CADPS: variants seen among roughly 807,000 people sequenced by gnomAD.
The protein encoded by CADPS is calcium dependent secretion activator.
In CADPS, 57 loss-of-function variants were observed where a neutral mutation model predicts 167.3. The observed-to-expected ratio is 0.34, with a 90% confidence interval of 0.28 to 0.42. The LOEUF (loss-of-function observed/expected upper bound fraction) is 0.42, where lower values mean the gene tolerates loss of function less well. CADPS is among the 20% of genes least tolerant of loss of function. The pLI, the probability that CADPS is intolerant of heterozygous loss-of-function variation, is 1.00. For missense variants in CADPS, 1,414 were observed against 1,738.1 expected (o/e 0.81, Z 3.32); for synonymous variants, 676 against 635.3 (o/e 1.06, Z -0.96).
intron 3 of CADPS, among the ~76,000 whole-genome samples, chr3:62,732,641 A>C (rs1019468214): frequency 6.6e-6 from 1 of 152,260 alleles, no homozygotes; most frequent in Non-Finnish European, 1.5e-5. Flanking sequence ...CTTATTCAAC[A>C]AACCTCTTTT....
intron 3 of CADPS, among the ~76,000 whole-genome samples, chr3:62,679,839 T>G (rs1270324937): frequency 2.0e-5 from 3 of 151,728 alleles, no homozygotes; most frequent in African/African-American, 4.9e-5. Context: ...ATACAAGGAG[T>G]CATTAGATGG....
chr3:62,813,275 C>T (rs2094467100), intron 1 of CADPS, among the ~76,000 whole-genome samples: 1 of 151,992 alleles, frequency 6.6e-6, no homozygotes. Flanking sequence ...ACACATAATC[C>T]AGTAGAACAG....
At chr3:62,701,928 G>A (rs1009742814) in intron 3 of CADPS, among the ~76,000 whole-genome samples, 1 of 152,162 alleles carries the variant, frequency 6.6e-6, no homozygotes, top group Non-Finnish European at 1.5e-5. Flanking sequence ...TTCCTAAGCA[G>A]ATAGCTATAG....
chr3:62,821,358 A>G (rs1370372406), intron 1 of CADPS, among the ~76,000 whole-genome samples: 2 of 152,162 alleles, frequency 1.3e-5, no homozygotes, highest in Non-Finnish European at 2.9e-5. Context: ...TGGGTGGCTT[A>G]AAACAACAGA....
At chr3:62,789,528 A>G (rs907085906) in intron 1 of CADPS, among the ~76,000 whole-genome samples, 1 of 152,164 alleles carries the variant, frequency 6.6e-6, no homozygotes, top group Non-Finnish European at 1.5e-5. Flanking sequence ...TTGCCCCAGT[A>G]TGTTGTTCTT....
chr3:62,679,193 A>G (rs2150987778), intron 3 of CADPS, among the ~76,000 whole-genome samples: 1 of 152,172 alleles, frequency 6.6e-6, no homozygotes, highest in African/African-American at 2.4e-5. Context: ...TCTAAAACAC[A>G]AAGAATTGGA....
At position 62,765,951 on chromosome 3, in the gene CADPS, G is replaced by A. The variant is rs781371846; in HGVS notation, c.475C>T (p.Arg159Trp). The A allele has an allele frequency of 4.3e-6, 7 of 1,613,296 alleles. No individual in the cohort carries two copies. The highest frequency in any genetic ancestry group is 2.2e-5 in the East Asian group (1 of 44,870). ...SKQQLQTVKD[R>W]FQAFLNGETQ... ...TCCCCATTGAGGAAAGCCTGAAACC[G>A]GTCCTTGACTGTCTGCAGCTGCTGT... is the stretch of plus-strand genomic sequence containing the variant. The change falls in exon 2 of 30, where the codon CGG becomes TGG. Residue 159 changes from arginine (R) to tryptophan (W), a missense_variant. Physicochemically the swap from Arg to Trp is moderately radical, Grantham distance 101. Coordinates refer to ENST00000383710, the MANE Select transcript of CADPS (RefSeq NM_003716.4).
Position 62,478,542 on chromosome 3 carries a change from G to A in CADPS, c.3174-126C>T. ...TCAACATACAAAACAACGTGTGTTG[G>A]CGGTGGAGGCGGGGGCGAGTCTCCA... On this transcript the variant is annotated intron_variant, in intron 22 of 29. Transcript: ENST00000383710. This position sits in a 1 kb window ranked among gnomAD's most constrained non-coding sequence, Gnocchi z 5.7. 1 of 830,408 alleles carries A rather than the reference G, an allele frequency of 1.2e-6. No homozygotes were observed. Among genetic ancestry groups the A allele is most frequent in the Admixed American group, 2.6e-5 (1 of 38,362 alleles). 51.4% of individuals were successfully genotyped at this position (830,408 alleles called of 1,614,324 possible). A position where few individuals can be genotyped will look rare whatever the true frequency, so the allele number is the denominator to read the frequency against.
intron 3 of CADPS, among the ~76,000 whole-genome samples, chr3:62,743,130 T>G (rs1318021309): frequency 2.0e-5 from 3 of 152,054 alleles, no homozygotes; most frequent in Non-Finnish European, 4.4e-5. Flanking sequence ...ATAACAGATG[T>G]TGGAAAGGCT....
intron 2 of CADPS, among the ~76,000 whole-genome samples, chr3:62,756,703 C>G (rs1279351084): frequency 6.6e-6 from 1 of 152,128 alleles, no homozygotes; most frequent in Non-Finnish European, 1.5e-5. Flanking sequence ...AAGAAAACAC[C>G]TTTGAGATGA....
At chr3:62,587,603 C>A (rs1183992632) in intron 7 of CADPS, among the ~76,000 whole-genome samples, 2 of 152,230 alleles carry the variant, frequency 1.3e-5, no homozygotes, top group African/African-American at 2.4e-5. Flanking sequence ...TCTGCTCCTG[C>A]CTGTTTGGCA....
chr3:62,835,287 TAAAAC>T (rs1228751663), intron 1 of CADPS, among the ~76,000 whole-genome samples: 1 of 152,156 alleles, frequency 6.6e-6, no homozygotes, highest in Non-Finnish European at 1.5e-5. Flanking sequence ...TGCAGCAAAT[TAAAAC>T]AATCAGGGAA....
intron 27 of CADPS, among the ~76,000 whole-genome samples, chr3:62,442,063 A>G (rs1441838621): frequency 1.3e-5 from 2 of 152,214 alleles, no homozygotes; most frequent in Non-Finnish European, 2.9e-5. Flanking sequence ...GCCCATTAAA[A>G]AATAATAATA....
At position 62,420,987 on chromosome 3, in the gene CADPS, C is replaced by T. The variant is rs1234685304; in HGVS notation, c.3777+17117G>A. Among the ~76,000 whole-genome samples the T allele has an allele frequency of 1.3e-5, 2 of 151,810 alleles. No individual in the cohort carries two copies. The highest frequency in any genetic ancestry group is 4.8e-5 in the African/African-American group (2 of 41,298). ...ATCTCATTTCTGTAAAAGGCACAAA[C>T]CTCAGACCATTGTCCTTATACAAGA... On this transcript the variant is annotated intron_variant, in intron 28 of 29. Coordinates refer to ENST00000383710, the MANE Select transcript of CADPS (RefSeq NM_003716.4). The surrounding 1 kb of genome is among the most constrained non-coding windows in gnomAD (Gnocchi z 4.1).
At chr3:62,712,369 A>G (rs2083567778) in intron 3 of CADPS, among the ~76,000 whole-genome samples, 1 of 152,196 alleles carries the variant, frequency 6.6e-6, no homozygotes, top group Non-Finnish European at 1.5e-5. Flanking sequence ...GGATATTGGT[A>G]GTCTTTATTT....
intron 18 of CADPS, among the ~76,000 whole-genome samples, chr3:62,496,177 A>G (rs1467135069): frequency 4.6e-5 from 7 of 151,484 alleles, no homozygotes; most frequent in African/African-American, 1.7e-4. Context: ...GAAAAACCCT[A>G]TGTTTAGTGT....
At chr3:62,583,391 G>T (rs1289283243) in intron 8 of CADPS, among the ~76,000 whole-genome samples, 1 of 152,152 alleles carries the variant, frequency 6.6e-6, no homozygotes, top group Non-Finnish European at 1.5e-5. Flanking sequence ...CACGAATATT[G>T]TCAGAATATA....
chr3:62,415,738 C>T (rs1271224710), intron 28 of CADPS, among the ~76,000 whole-genome samples: 2 of 152,128 alleles, frequency 1.3e-5, no homozygotes, highest in African/African-American at 4.8e-5. Flanking sequence ...AGGCCTGAGA[C>T]TGTGCAAGGG....
chr3:62,846,155 C>T (rs1381988078), intron 1 of CADPS, among the ~76,000 whole-genome samples: 1 of 152,058 alleles, frequency 6.6e-6, no homozygotes, highest in East Asian at 1.9e-4. Flanking sequence ...CTGCAGCCTC[C>T]CCAGCCTTGC....
Sources: gnomAD v4.1 joint callset for allele counts (sites outside exome capture counted in the v4.1 genomes callset) on GRCh38, gnomAD v4.1.1 for gene constraint, Gnocchi (gnomAD v3.1) non-coding constraint, MANE v1.5 for transcripts, NCBI Gene and HGNC (gene_info 2026-07-23, HGNC 2026-07-21) for gene names.